The following ASZ1 variants were observed in gnomAD, a reference collection of about 807,000 sequenced individuals.
ASZ1 encodes the protein ankyrin repeat, SAM and basic leucine zipper domain-containing protein 1.
In ASZ1, 67 loss-of-function variants were observed where a neutral mutation model predicts 61.8. The ratio of observed to expected loss-of-function variants is 1.08; its 90% CI spans 0.89 to 1.33. The LOEUF (loss-of-function observed/expected upper bound fraction) is 1.33, where lower values mean the gene tolerates loss of function less well. Ranked by LOEUF, ASZ1 falls within the 40% of genes most tolerant of loss-of-function variation. The pLI, the probability that ASZ1 is intolerant of heterozygous loss-of-function variation, is 0.00. For missense variants in ASZ1, 577 were observed against 554.5 expected (o/e 1.04, Z -0.41); for synonymous variants, 193 against 192.7 (o/e 1.00, Z -0.01).
intron 4 of ASZ1, among the ~76,000 whole-genome samples, chr7:117,417,484 C>G (rs1352011212): frequency 6.6e-6 from 1 of 152,190 alleles, no homozygotes; most frequent in Non-Finnish European, 1.5e-5. Flanking sequence ...TCCCAATCTT[C>G]TAATAGGTTT....
At chr7:117,385,932 T>C (rs2116475387) in intron 4 of ASZ1, 123 bp from the exon 5 acceptor site, 2 of 758,300 alleles carry the variant, frequency 2.6e-6, no homozygotes, top group South Asian at 2.1e-5. Context: ...TGAAAGCTTT[T>C]GCTAAATCAG....
intron 10 of ASZ1, among the ~76,000 whole-genome samples, chr7:117,371,855 T>C (rs1194716999): frequency 6.6e-6 from 1 of 152,196 alleles, no homozygotes; most frequent in Non-Finnish European, 1.5e-5. Context: ...AGACAGGTGA[T>C]TCACAAATAT....
chr7:117,400,836 T>C (rs949674922), intron 4 of ASZ1, among the ~76,000 whole-genome samples: 6 of 152,326 alleles, frequency 3.9e-5, no homozygotes, highest in African/African-American at 1.4e-4. Context: ...GAATTGAGAC[T>C]GTGGAAAATA....
chr7:117,397,666 C>G (rs1431687897), intron 4 of ASZ1, among the ~76,000 whole-genome samples: 1 of 152,108 alleles, frequency 6.6e-6, no homozygotes, highest in Non-Finnish European at 1.5e-5. Flanking sequence ...AGGAAAACAC[C>G]TGGGTCTGAA....
intron 5 of ASZ1, 133 bp downstream of exon 5, chr7:117,385,565 C>A: frequency 1.3e-6 from 1 of 747,580 alleles, no homozygotes. Flanking sequence ...CCTTCTATTT[C>A]AACTGTTGCT....
At chr7:117,423,358 G>C (rs912694561) in intron 2 of ASZ1, among the ~76,000 whole-genome samples, 2 of 151,924 alleles carry the variant, frequency 1.3e-5, no homozygotes, top group African/African-American at 4.8e-5. Context: ...TAATCACTGG[G>C]AGAAAACATT....
At chr7:117,376,871 G>A (rs1320314048) in intron 10 of ASZ1, among the ~76,000 whole-genome samples, 2 of 152,006 alleles carry the variant, frequency 1.3e-5, no homozygotes, top group East Asian at 1.9e-4. Flanking sequence ...CTGAGATTGG[G>A]AAGAAGGCAA....
chr7:117,379,968 T>C lies in ASZ1; in HGVS notation c.1025A>G (p.Glu342Gly), dbSNP rs2116464728. ...TTCCAACTTTGTCTCTTCAGATAGC[T>C]CTCCAAATTGTATCTCTTCTACCTG... ...ELQVEEIQFG[E>G]LSEETKLEIS... is the part of the protein sequence containing the mutation. Residue 342 changes from glutamate to glycine, a missense_variant, in exon 10 of 13, where the codon GAG (glutamate) becomes GGG (glycine). Glu to Gly is a moderately conservative substitution (Grantham distance 98). Transcript: ENST00000284629. 6.2e-7 allele frequency: 1 copy of C among 1,605,126 alleles called. No homozygotes were observed. The highest frequency in any genetic ancestry group is 1.7e-4 in the Middle Eastern group (1 of 6,032).
At chr7:117,392,023 G>A (rs1392937848) in intron 4 of ASZ1, among the ~76,000 whole-genome samples, 2 of 152,142 alleles carry the variant, frequency 1.3e-5, no homozygotes, top group Non-Finnish European at 2.9e-5. Flanking sequence ...AACTGCTGCC[G>A]TCAGGTGATC....
intron 7 of ASZ1, among the ~76,000 whole-genome samples, 176 bp from the exon 8 acceptor site, chr7:117,382,320 G>T (rs1796270571): frequency 6.6e-6 from 1 of 152,080 alleles, no homozygotes; most frequent in African/African-American, 2.4e-5. Flanking sequence ...TGTGACTGAA[G>T]ATATATGAGG....
At position 117,383,050 on chromosome 7, in the gene ASZ1, T is replaced by C; in HGVS notation, c.748A>G (p.Lys250Glu). Reference sequence around the variant, plus strand: ...AATATTTTACAAATAGTGTCTTCTTTAGTTAGCTGTTGAAGTTTTCCTTCC... The same window carrying C: ...AATATTTTACAAATAGTGTCTTCTTCAGTTAGCTGTTGAAGTTTTCCTTCC... ...PLEGKLQQLTKEDTICKILTT... is the reference protein window; with the variant it reads ...PLEGKLQQLTEEDTICKILTT... Residue 250 changes from lysine to glutamate, a missense_variant, in exon 7 of 13, where the codon AAA (lysine) becomes GAA (glutamate). Coordinates refer to ENST00000284629, the MANE Select transcript of ASZ1 (RefSeq NM_130768.3). The C allele has an allele frequency of 1.3e-6, 2 of 1,588,516 alleles. No individual in the cohort carries two copies. Among genetic ancestry groups the C allele is most frequent in the Non-Finnish European group, 1.7e-6 (2 of 1,169,674 alleles).
At chr7:117,393,024 T>G (rs1584729832) in intron 4 of ASZ1, among the ~76,000 whole-genome samples, 1 of 152,146 alleles carries the variant, frequency 6.6e-6, no homozygotes, top group East Asian at 1.9e-4. Flanking sequence ...TTTTTGGTAT[T>G]TTTAGTAGAG....
chr7:117,425,844 G>A (rs1322348458), intron 2 of ASZ1, among the ~76,000 whole-genome samples: 3 of 151,822 alleles, frequency 2.0e-5, no homozygotes, highest in Non-Finnish European at 4.4e-5. Context: ...ACCAAAATTA[G>A]CTGGGCTTGG....
chr7:117,404,098 A>G (rs1021774523), intron 4 of ASZ1, among the ~76,000 whole-genome samples: 4 of 152,110 alleles, frequency 2.6e-5, no homozygotes, highest in Non-Finnish European at 5.9e-5. Context: ...TAGAGCAAGC[A>G]CAGTCTATTT....
chr7:117,389,902 T>G (rs1411881198), intron 4 of ASZ1, among the ~76,000 whole-genome samples: 1 of 152,226 alleles, frequency 6.6e-6, no homozygotes, highest in East Asian at 1.9e-4. Flanking sequence ...TTGAGCAAGT[T>G]ACCTATTGTT....
rs180738925 is a variant in ASZ1, at chr7:117,401,436, A to G, written c.441-15627T>C. Reference sequence around the variant, plus strand: ...AGAAAATATTAAAAACAACCAGAGGATAAAATCTAATACCTTCAAAGAATC... The same window carrying G: ...AGAAAATATTAAAAACAACCAGAGGGTAAAATCTAATACCTTCAAAGAATC... On this transcript the variant is annotated intron_variant, in intron 4 of 12. Transcript: ENST00000284629. Among the ~76,000 whole-genome samples, 3 of 151,758 alleles carry G rather than the reference A, an allele frequency of 2.0e-5. No individual in the cohort carries two copies. The East Asian group carries it at 5.8e-4, about 29-fold the overall frequency.
intron 4 of ASZ1, among the ~76,000 whole-genome samples, chr7:117,390,718 T>C (rs1258940183): frequency 6.6e-6 from 1 of 152,160 alleles, no homozygotes; most frequent in Non-Finnish European, 1.5e-5. Flanking sequence ...TTAATTATTT[T>C]TTTGAGAAGA....
chr7:117,382,205 A>G, intron 7 of ASZ1, 61 bp from the exon 8 acceptor site: 4 of 964,026 alleles, frequency 4.1e-6, no homozygotes, highest in Non-Finnish European at 6.6e-6. Context: ...AGCGATAAAT[A>G]TACATTTATA....
At chr7:117,421,337 T>C (rs1284015599) in intron 3 of ASZ1, among the ~76,000 whole-genome samples, 1 of 152,090 alleles carries the variant, frequency 6.6e-6, no homozygotes, top group African/African-American at 2.4e-5. Flanking sequence ...CTCAGCCTTC[T>C]GAGTAGTTGA....
Sources: allele counts gnomAD v4.1 joint callset (sites outside exome capture counted in the v4.1 genomes callset), GRCh38; gene constraint gnomAD v4.1.1; transcripts MANE v1.5; gene names NCBI Gene and HGNC (gene_info 2026-07-23, HGNC 2026-07-21).